FNDC1: variants seen among roughly 807,000 people sequenced by gnomAD.
The protein encoded by FNDC1 is fibronectin type III domain containing 1.
In FNDC1, 96 loss-of-function variants were observed where a neutral mutation model predicts 168.0. The ratio of observed to expected loss-of-function variants is 0.57; its 90% CI spans 0.48 to 0.68. The LOEUF is 0.68. Among genes scored for constraint, FNDC1 ranks in the 30% least tolerant of loss-of-function variants. FNDC1 has a pLI of 0.00. For synonymous variants in FNDC1, 1,099 were observed against 1,025.9 expected, an observed-to-expected ratio of 1.07 and a Z score of -1.36; for missense variants, 2,587 against 2,482.1, an observed-to-expected ratio of 1.04 and a Z score of -0.90.
chr6:159,260,031 G>A (rs1777452492), intron 18 of FNDC1, among the ~76,000 whole-genome samples: 2 of 152,346 alleles, frequency 1.3e-5, no homozygotes, highest in South Asian at 2.1e-4. Context: ...TTTTAAAAAT[G>A]TAGTGCATTT....
Position 159,229,826 on chromosome 6 carries a change from T to G in FNDC1, c.1192T>G (p.Ser398Ala), listed in dbSNP as rs777699032. Residue 398 changes from serine to alanine, a missense_variant, in exon 10 of 23, where the codon TCA becomes GCA. Ser to Ala is a moderately conservative substitution (Grantham distance 99, BLOSUM62 1). Coordinates refer to ENST00000297267, the MANE Select transcript of FNDC1 (RefSeq NM_032532.3). ...CCAAATCATTTCAGAATACATTCTT[T>G]CATACGCCCCGGCTCTCAAACCATT... The part of the protein sequence containing the change: ...TEGKVKEYIL[S>A]YAPALKPFGA... The G allele has an allele frequency of 6.2e-7, 1 of 1,611,684 alleles. No homozygotes were observed. Among genetic ancestry groups the G allele is most frequent in the East Asian group, 2.2e-5 (1 of 44,844 alleles).
intron 22 of FNDC1, 122 bp from the exon 23 acceptor site, chr6:159,271,205 T>C (rs1777737931): frequency 8.8e-6 from 6 of 682,388 alleles, no homozygotes; most frequent in Non-Finnish European, 1.6e-5. Context: ...TATTTGAAAG[T>C]AGCGTTTTGT....
At chr6:159,245,015 A>G (rs1783508361) in intron 14 of FNDC1, among the ~76,000 whole-genome samples, 2 of 152,234 alleles carry the variant, frequency 1.3e-5, no homozygotes, top group Non-Finnish European at 2.9e-5. Flanking sequence ...AAGCAGGCAC[A>G]TCTTACATGG....
intron 7 of FNDC1, 132 bp downstream of exon 7, chr6:159,223,777 T>G (rs1782896586): frequency 1.6e-6 from 1 of 612,404 alleles, no homozygotes; most frequent in Non-Finnish European, 2.9e-6. Context: ...AATAGCTGAA[T>G]GGTAAATATT....
intron 1 of FNDC1, among the ~76,000 whole-genome samples, chr6:159,181,335 A>G (rs1031198371): frequency 1.3e-5 from 2 of 152,196 alleles, no homozygotes; most frequent in African/African-American, 4.8e-5. Flanking sequence ...TGTGTGCTGA[A>G]CTGTCAACCT....
intron 5 of FNDC1, among the ~76,000 whole-genome samples, chr6:159,217,915 C>T (rs184065903): frequency 6.6e-6 from 1 of 152,272 alleles, no homozygotes; most frequent in African/African-American, 2.4e-5. Flanking sequence ...AGACTCAACC[C>T]CCTGAAGCCA....
At chr6:159,230,898 G>T (rs1783068941) in intron 10 of FNDC1, among the ~76,000 whole-genome samples, 2 of 152,156 alleles carry the variant, frequency 1.3e-5, no homozygotes, top group South Asian at 4.1e-4. Flanking sequence ...CAGTCAGTCT[G>T]CTCTGAAGAC....
At chr6:159,207,022 G>T (rs914139679) in intron 4 of FNDC1, among the ~76,000 whole-genome samples, 2 of 152,200 alleles carry the variant, frequency 1.3e-5, no homozygotes, top group Non-Finnish European at 2.9e-5. Context: ...GGAGACAGAG[G>T]TTTGTGTGAG....
intron 1 of FNDC1, among the ~76,000 whole-genome samples, chr6:159,187,520 G>T (rs1222893196): frequency 6.6e-6 from 1 of 152,168 alleles, no homozygotes; most frequent in Non-Finnish European, 1.5e-5. Flanking sequence ...TGAACCCTAT[G>T]CATATTGAGA....
intron 10 of FNDC1, among the ~76,000 whole-genome samples, chr6:159,230,868 C>T (rs1215044870): frequency 6.6e-6 from 1 of 152,190 alleles, no homozygotes; most frequent in Non-Finnish European, 1.5e-5. Flanking sequence ...GGTTCCTCTC[C>T]CCTATAGAAT....
chr6:159,259,805 A>C (rs1248978041), intron 18 of FNDC1, among the ~76,000 whole-genome samples: 1 of 152,244 alleles, frequency 6.6e-6, no homozygotes, highest in African/African-American at 2.4e-5. Context: ...ATTACAATAA[A>C]AAGAATACTC....
chr6:159,222,008 G>T (rs1445421538), intron 6 of FNDC1, among the ~76,000 whole-genome samples: 1 of 152,210 alleles, frequency 6.6e-6, no homozygotes. Context: ...ATTGCCCTGG[G>T]TGATGCACTG....
At chr6:159,254,567 G>T (rs1307570025) in intron 17 of FNDC1, among the ~76,000 whole-genome samples, 1 of 151,972 alleles carries the variant, frequency 6.6e-6, no homozygotes, top group Non-Finnish European at 1.5e-5. Flanking sequence ...AATTAGCTGG[G>T]CGTGGTGGTG....
chr6:159,267,782 CTCAA>C lies in FNDC1; in HGVS notation c.5447-16_5447-13del, dbSNP rs1222595487. The C allele has an allele frequency of 1.2e-6, 2 of 1,613,210 alleles. No individual in the cohort carries two copies. Among genetic ancestry groups the C allele is most frequent in the South Asian group, 2.2e-5 (2 of 90,888 alleles). ...GTGACTTTCTGTACCTAGTCATGGA[CTCAA>C]TCAATTCCTTCATGCAGATACATTC... is the stretch of plus-strand genomic sequence containing the variant. On this transcript the variant is annotated intron_variant, in intron 21 of 22. Transcript: ENST00000297267.
At chr6:159,230,322 CA>C (rs1783054123) in intron 10 of FNDC1, among the ~76,000 whole-genome samples, 1 of 152,110 alleles carries the variant, frequency 6.6e-6, no homozygotes, top group Admixed American at 6.6e-5. Flanking sequence ...GGTAGTGTGA[CA>C]TTTTTCATTG....
chr6:159,244,566 T>C (rs962673332), intron 14 of FNDC1, among the ~76,000 whole-genome samples: 1 of 152,230 alleles, frequency 6.6e-6, no homozygotes, highest in Non-Finnish European at 1.5e-5. Context: ...GTAATATTCA[T>C]GTCATTCAAA....
chr6:159,267,266 C>T (rs1289267878), intron 21 of FNDC1, among the ~76,000 whole-genome samples: 1 of 152,030 alleles, frequency 6.6e-6, no homozygotes, highest in Admixed American at 6.6e-5. Context: ...TGTCCTTTTC[C>T]TCCCCTGCTT....
chr6:159,232,313 G>T lies in FNDC1; in HGVS notation c.1801G>T (p.Gly601Cys), dbSNP rs1783105087. The change falls in exon 11 of 23, where the codon GGC (glycine) becomes TGC (cysteine). Residue 601 changes from glycine to cysteine, a missense_variant. Gly to Cys is a radical substitution (Grantham distance 159, BLOSUM62 -3). Coordinates refer to ENST00000297267, the MANE Select transcript of FNDC1 (RefSeq NM_032532.3). The surrounding 1 kb of genome is among the most constrained non-coding windows in gnomAD (Gnocchi z 4.9). Reference sequence around the variant, plus strand: ...CCGAAGGGAAGGCGTAGATAAGCCTGGCTTTTCCCTGGCCACGCAGCCCCG... The same window carrying T: ...CCGAAGGGAAGGCGTAGATAAGCCTTGCTTTTCCCTGGCCACGCAGCCCCG... ...LPRREGVDKPGFSLATQPRPG... is the reference protein window; with the variant it reads ...LPRREGVDKPCFSLATQPRPG... 6.2e-7 allele frequency: 1 copy of T among 1,612,904 alleles called. No homozygotes were observed. The highest frequency in any genetic ancestry group is 8.5e-7 in the Non-Finnish European group (1 of 1,179,546).
intron 16 of FNDC1, among the ~76,000 whole-genome samples, 169 bp downstream of exon 16, chr6:159,249,351 A>G (rs571445476): frequency 6.6e-6 from 1 of 152,330 alleles, no homozygotes; most frequent in South Asian, 2.1e-4. Context: ...GTAGATATGT[A>G]TTATTTTGCT....
Sources: gnomAD v4.1 joint callset for allele counts (sites outside exome capture counted in the v4.1 genomes callset) on GRCh38, gnomAD v4.1.1 for gene constraint, Gnocchi (gnomAD v3.1) non-coding constraint, MANE v1.5 for transcripts, NCBI Gene and HGNC (gene_info 2026-07-23, HGNC 2026-07-21) for gene names.